The following PAPSS2 variants were observed in gnomAD, a reference collection of about 807,000 sequenced individuals.
The protein encoded by PAPSS2 is 3'-phosphoadenosine 5'-phosphosulfate synthase 2.
Under a neutral mutation model 66.5 loss-of-function variants are expected in PAPSS2, and 61 were observed. That is an observed-to-expected ratio of 0.92 (90% CI 0.75 to 1.14). The LOEUF (loss-of-function observed/expected upper bound fraction) is 1.14. Ranked by LOEUF, PAPSS2 falls within the 50% of genes most tolerant of loss-of-function variation. PAPSS2 has a pLI of 0.00. For synonymous variants in PAPSS2, 289 were observed against 287.5 expected, an observed-to-expected ratio of 1.01 and a Z score of -0.05; for missense variants, 708 against 789.6, an observed-to-expected ratio of 0.90 and a Z score of 1.24.
chr10:87,713,669 G>A (rs1407526554), intron 3 of PAPSS2, among the ~76,000 whole-genome samples: 1 of 152,188 alleles, frequency 6.6e-6, no homozygotes, highest in African/African-American at 2.4e-5. Context: ...GAAAAGAGCA[G>A]TTCATGGCCA....
At chr10:87,729,616 G>C (rs865873484) in intron 9 of PAPSS2, among the ~76,000 whole-genome samples, 1 of 152,070 alleles carries the variant, frequency 6.6e-6, no homozygotes. Flanking sequence ...CCCTGCAATG[G>C]CCTCTAAGTG....
At chr10:87,682,256 CAAAGG>C (rs1853030395) in intron 1 of PAPSS2, among the ~76,000 whole-genome samples, 3 of 152,188 alleles carry the variant, frequency 2.0e-5, no homozygotes, top group Non-Finnish European at 4.4e-5. Flanking sequence ...TATAGAGCAG[CAAAGG>C]TCTACAGAGG....
chr10:87,739,685 TTC>T (rs1853843645), intron 9 of PAPSS2, among the ~76,000 whole-genome samples: 1 of 152,250 alleles, frequency 6.6e-6, no homozygotes, highest in Admixed American at 6.5e-5. Flanking sequence ...CTTTGCCTTT[TTC>T]TCTGTGTTGA....
chr10:87,715,402 G>C (rs1853520598), intron 6 of PAPSS2, among the ~76,000 whole-genome samples: 3 of 152,128 alleles, frequency 2.0e-5, no homozygotes, highest in African/African-American at 7.2e-5. Context: ...GAAAAATATA[G>C]CCAGACCAGG....
At chr10:87,744,231 A>G (rs1235256747) in intron 11 of PAPSS2, among the ~76,000 whole-genome samples, 1 of 152,234 alleles carries the variant, frequency 6.6e-6, no homozygotes, top group African/African-American at 2.4e-5. Context: ...AGTTGTATGT[A>G]ACCTAATATT....
chr10:87,725,825 C>T (rs11594034), intron 8 of PAPSS2, among the ~76,000 whole-genome samples: 32,429 of 151,020 alleles, frequency 0.21, 3,982 homozygotes, highest in South Asian at 0.43. Flanking sequence ...CCTCCTGAGT[C>T]GCTGGGACTA....
At chr10:87,714,219 A>G (rs1250042329) in intron 4 of PAPSS2, 37 bp downstream of exon 4, 1 of 1,604,024 alleles carries the variant, frequency 6.2e-7, no homozygotes. Context: ...CCAGTTACAT[A>G]GGCTGTCAGT....
At chr10:87,676,486 A>G (rs1175970899) in intron 1 of PAPSS2, among the ~76,000 whole-genome samples, 1 of 152,202 alleles carries the variant, frequency 6.6e-6, no homozygotes, top group Non-Finnish European at 1.5e-5. Flanking sequence ...CCTCAAGGGC[A>G]GAAATCCTGC....
At chr10:87,706,084 G>GTATATATATATATATA (rs532950801) in intron 1 of PAPSS2, among the ~76,000 whole-genome samples, 147 of 59,938 alleles carry the variant, frequency 2.5e-3, no homozygotes, top group Middle Eastern at 6.8e-3. Context: ...TCTTCACATG[G>GTATATATATATATATA]TATATATATA....
chr10:87,685,791 C>A (rs1853080829), intron 1 of PAPSS2, among the ~76,000 whole-genome samples: 1 of 152,196 alleles, frequency 6.6e-6, no homozygotes, highest in African/African-American at 2.4e-5. Flanking sequence ...AGTTTCCTAG[C>A]CTTGTGTCAG....
At chr10:87,741,162 A>G (rs1853863520) in intron 9 of PAPSS2, 73 bp from the exon 10 acceptor site, 2 of 1,489,602 alleles carry the variant, frequency 1.3e-6, no homozygotes, top group South Asian at 2.3e-5. Context: ...AGATTGGTCT[A>G]AAAGGAGAAA....
At chr10:87,668,447 TTAAGTC>T (rs1191996999) in intron 1 of PAPSS2, among the ~76,000 whole-genome samples, 1 of 152,198 alleles carries the variant, frequency 6.6e-6, no homozygotes, top group African/African-American at 2.4e-5. Flanking sequence ...TTCACTGTCT[TTAAGTC>T]TATTCTAAAC....
At position 87,729,430 on chromosome 10, in the gene PAPSS2, T is replaced by C. The variant is rs117270299; in HGVS notation, c.1086+1941T>C. On this transcript the variant is annotated intron_variant, in intron 9 of 12. Coordinates refer to ENST00000456849, the MANE Select transcript of PAPSS2 (RefSeq NM_001015880.2). The stretch of plus-strand genomic sequence containing the variant: ...TACGGTTAGTGATCTTTGATGTTAC[T>C]ATTGTAATTGTTTTGGGACACCACG... 9.1e-3 allele frequency among the ~76,000 whole-genome samples: 1,384 copies of C among 152,312 alleles called. 48 individuals carry two copies. The highest frequency in any genetic ancestry group is 0.09 in the East Asian group (467 of 5,190).
At chr10:87,715,205 G>A in intron 6 of PAPSS2, 107 bp downstream of exon 6, 1 of 722,454 alleles carries the variant, frequency 1.4e-6, no homozygotes, top group South Asian at 1.5e-5. Context: ...TGCACATAAT[G>A]TCCATAAATA....
At chr10:87,737,595 G>A (rs2131727413) in intron 9 of PAPSS2, among the ~76,000 whole-genome samples, 1 of 152,220 alleles carries the variant, frequency 6.6e-6, no homozygotes, top group East Asian at 1.9e-4. Flanking sequence ...GCCGAAGTTG[G>A]AGGATTGCTT....
Position 87,743,563 on chromosome 10 carries a change from C to G in PAPSS2, c.1413C>G (p.Leu471=), listed in dbSNP as rs749432936. 18 of 1,613,998 alleles carry G rather than the reference C, an allele frequency of 1.1e-5. No homozygotes were observed. Among genetic ancestry groups the G allele is most frequent in the Non-Finnish European group, 1.4e-5 (16 of 1,180,012 alleles). ...DWRMKQHAAV[L]EEGVLDPKST... ...GGATGAAGCAGCACGCGGCTGTGCT[C>G]GAGGAAGGGGTCCTGGATCCCAAGT... The change falls in exon 11 of 13, where the codon CTC becomes CTG. Residue 471 remains leucine (L), a synonymous_variant. Coordinates refer to ENST00000456849, the MANE Select transcript of PAPSS2 (RefSeq NM_001015880.2).
chr10:87,733,024 G>A (rs1831505102), intron 9 of PAPSS2, among the ~76,000 whole-genome samples: 1 of 152,128 alleles, frequency 6.6e-6, no homozygotes, highest in African/African-American at 2.4e-5. Flanking sequence ...AGTTTTATTG[G>A]CAAAATAATT....
chr10:87,673,185 TTG>T (rs761194424), intron 1 of PAPSS2, among the ~76,000 whole-genome samples: 2 of 152,236 alleles, frequency 1.3e-5, no homozygotes, highest in Non-Finnish European at 2.9e-5. Flanking sequence ...CCCCATTGAA[TTG>T]TGTTTGTTGT....
rs1263557793 is a variant in PAPSS2, at chr10:87,746,531, G to A, written c.*561G>A. 6.6e-6 allele frequency: 1 copy of A among 152,114 alleles called. No individual in the cohort carries two copies. The highest frequency in any genetic ancestry group is 1.5e-5 in the Non-Finnish European group (1 of 68,134). The allele number at this position is 152,114 out of a possible 1,614,324, so 9.4% of individuals were successfully genotyped here. A position where few individuals can be genotyped will look rare whatever the true frequency, so the allele number is the denominator to read the frequency against. On this transcript the variant is annotated 3_prime_UTR_variant, in exon 13 of 13. Transcript: ENST00000456849. ...ATCATATCTTACGTGTTGAAGACCTGACTGGAGAAACAAAATGTGCAATAA... is the reference window on the plus strand; with the variant it reads ...ATCATATCTTACGTGTTGAAGACCTAACTGGAGAAACAAAATGTGCAATAA...
Sources: allele counts gnomAD v4.1 joint callset (sites outside exome capture counted in the v4.1 genomes callset), GRCh38; gene constraint gnomAD v4.1.1; transcripts MANE v1.5; gene names NCBI Gene and HGNC (gene_info 2026-07-23, HGNC 2026-07-21).